The following RBL1 variants were observed in gnomAD, a reference collection of about 807,000 sequenced individuals.
RBL1 encodes the protein RB transcriptional corepressor like 1.
RBL1 carries 82 observed loss-of-function variants against 123.0 expected under a neutral mutation model. That is an observed-to-expected ratio of 0.67 (90% CI 0.56 to 0.80). The LOEUF is 0.80. RBL1 is among the 30% of genes least tolerant of loss of function. RBL1 has a pLI of 0.00. For synonymous variants in RBL1, 405 were observed against 441.3 expected (o/e 0.92, Z 1.03); for missense variants, 1,171 against 1,299.6 (o/e 0.90, Z 1.52).
intron 15 of RBL1, among the ~76,000 whole-genome samples, chr20:37,033,971 C>G (rs931567239): frequency 2.1e-5 from 3 of 146,194 alleles, no homozygotes; most frequent in Non-Finnish European, 4.5e-5. Flanking sequence ...CAATGTCTTG[C>G]TCTGTTGTCC....
chr20:37,012,328 G>A (rs1230767877), intron 19 of RBL1, among the ~76,000 whole-genome samples: 3 of 141,636 alleles, frequency 2.1e-5, no homozygotes, highest in South Asian at 4.7e-4. Flanking sequence ...GCCGCCCATC[G>A]TCTGGGATGT....
chr20:37,085,189 T>C (rs752728321), intron 2 of RBL1, among the ~76,000 whole-genome samples: 89 of 147,156 alleles, frequency 6.0e-4, no homozygotes, highest in Non-Finnish European at 1.0e-3. Flanking sequence ...TGGAATACAA[T>C]GGCACGATCT....
chr20:37,012,463 G>A (rs1343720852), intron 19 of RBL1, among the ~76,000 whole-genome samples: 6 of 151,404 alleles, frequency 4.0e-5, no homozygotes, highest in African/African-American at 9.7e-5. Context: ...AGTGAGGAGC[G>A]TCTCTGCCCG....
At chr20:37,048,882 T>C (rs900252399) in intron 11 of RBL1, among the ~76,000 whole-genome samples, 20 of 129,758 alleles carry the variant, frequency 1.5e-4, no homozygotes, top group Non-Finnish European at 2.7e-4. Flanking sequence ...CTGAGCAACA[T>C]AGCGAGACAC....
At chr20:37,022,243 A>G (rs2064352504) in intron 17 of RBL1, among the ~76,000 whole-genome samples, 1 of 152,256 alleles carries the variant, frequency 6.6e-6, no homozygotes, top group Non-Finnish European at 1.5e-5. Context: ...CCATGACTTA[A>G]AACACGTTGT....
At chr20:37,087,429 T>G (rs2065566912) in intron 2 of RBL1, among the ~76,000 whole-genome samples, 1 of 151,416 alleles carries the variant, frequency 6.6e-6, no homozygotes, top group African/African-American at 2.4e-5. Flanking sequence ...ATAAAAAGAT[T>G]TAAAAATATC....
In RBL1 at chr20:37,001,917, A is replaced by AT. The variant is rs1491338506; in HGVS notation, c.3036+1784dup. ...AATTAAAATAGCAGGTTGCAGAACA[A>AT]TAAAAAAAAAAAAAAAAAAAAAAAA... On this transcript the variant is annotated intron_variant, in intron 21 of 21. Transcript: ENST00000373664. Among the ~76,000 whole-genome samples, 302 of 121,512 alleles carry AT rather than the reference A, an allele frequency of 2.5e-3. 1 individual carries two copies. Among genetic ancestry groups the AT allele is most frequent in the African/African-American group, 0.01 (284 of 27,826 alleles). The allele number at this position is 121,512 out of a possible 152,430, so 79.7% of individuals were successfully genotyped here.
intron 13 of RBL1, among the ~76,000 whole-genome samples, 159 bp from the exon 14 acceptor site, chr20:37,040,444 C>T (rs1262359444): frequency 1.3e-5 from 2 of 152,110 alleles, no homozygotes; most frequent in East Asian, 1.9e-4. Context: ...CTCCAACGCC[C>T]GGGGTTCAAG....
chr20:37,024,353 T>C (rs1040387243), intron 16 of RBL1, among the ~76,000 whole-genome samples: 3 of 152,178 alleles, frequency 2.0e-5, no homozygotes, highest in Admixed American at 2.0e-4. Flanking sequence ...GCTAGAACTT[T>C]ATATTCATGA....
At chr20:37,040,352 GTTTTC>G (rs2064702444) in intron 13 of RBL1, 67 bp from the exon 14 acceptor site, 1 of 1,564,218 alleles carries the variant, frequency 6.4e-7, no homozygotes, top group South Asian at 1.2e-5. Context: ...TATTAAAAAT[GTTTTC>G]TTTTCTTTTT....
At chr20:37,026,176 T>C (rs1373461994) in intron 16 of RBL1, among the ~76,000 whole-genome samples, 5 of 152,158 alleles carry the variant, frequency 3.3e-5, no homozygotes, top group South Asian at 2.1e-4. Context: ...AAGAAATAAA[T>C]AGATAATCAC....
chr20:37,019,616 C>G (rs2064308022), intron 18 of RBL1, among the ~76,000 whole-genome samples: 1 of 152,130 alleles, frequency 6.6e-6, no homozygotes, highest in African/African-American at 2.4e-5. Context: ...AAACAAAGCT[C>G]TCTTAGAAGG....
intron 19 of RBL1, among the ~76,000 whole-genome samples, chr20:37,012,727 C>T (rs1271094098): frequency 2.1e-5 from 3 of 145,610 alleles, no homozygotes; most frequent in African/African-American, 7.7e-5. Flanking sequence ...CCGCCCCGTC[C>T]GGGAGGGAGG....
chr20:37,082,120 A>T (rs1288159550), intron 2 of RBL1: 1 of 424,432 alleles, frequency 2.4e-6, no homozygotes, highest in African/African-American at 2.1e-5. Context: ...CTAAGGGACA[A>T]CGCAGGGGCC....
At chr20:37,029,987 T>A (rs2064481241) in intron 16 of RBL1, among the ~76,000 whole-genome samples, 1 of 152,250 alleles carries the variant, frequency 6.6e-6, no homozygotes, top group Non-Finnish European at 1.5e-5. Context: ...CTGGAAGACT[T>A]GACATTCTTA....
intron 19 of RBL1, among the ~76,000 whole-genome samples, chr20:37,013,465 G>T (rs1365025584): frequency 2.6e-5 from 4 of 151,334 alleles, no homozygotes; most frequent in Non-Finnish European, 5.9e-5. Context: ...AGGCCGCAGG[G>T]TCCTCTGCCT....
At position 37,055,563 on chromosome 20, in the gene RBL1, A is replaced by G. The variant is rs1254230503; in HGVS notation, c.1457T>C (p.Met486Thr). The G allele has an allele frequency of 3.1e-6, 5 of 1,614,010 alleles. No homozygotes were observed. Among genetic ancestry groups the G allele is most frequent in the African/African-American group, 2.7e-5 (2 of 74,926 alleles). ...AGTGGATTTACTTACTGACATGTCC[A>G]TTCCATGAAGTCTTCGTGTTTCCTG... The part of the protein sequence containing the change: ...MVQETRRLHG[M>T]DMSVLLEQDI... Residue 486 changes from methionine (M) to threonine (T), a missense_variant, in exon 11 of 22, where the codon ATG becomes ACG. Coordinates refer to ENST00000373664, the MANE Select transcript of RBL1 (RefSeq NM_002895.5).
At chr20:37,013,745 T>C (rs1489268655) in intron 19 of RBL1, among the ~76,000 whole-genome samples, 1 of 152,150 alleles carries the variant, frequency 6.6e-6, no homozygotes, top group Non-Finnish European at 1.5e-5. Flanking sequence ...ATCCACGGTA[T>C]TTGCTTGATG....
chr20:37,000,451 T>G (rs2063952507), intron 21 of RBL1, among the ~76,000 whole-genome samples: 2 of 120,308 alleles, frequency 1.7e-5, no homozygotes, highest in East Asian at 3.2e-4. Flanking sequence ...CAGCTGCCCG[T>G]CCGGGAGGGA....
Sources: gnomAD v4.1 joint callset for allele counts (sites outside exome capture counted in the v4.1 genomes callset) on GRCh38, gnomAD v4.1.1 for gene constraint, MANE v1.5 for transcripts, NCBI Gene and HGNC (gene_info 2026-07-23, HGNC 2026-07-21) for gene names.